MYO10: variants seen among roughly 807,000 people sequenced by gnomAD.
The protein encoded by MYO10 is unconventional myosin-X.
MYO10 carries 133 observed loss-of-function variants against 257.3 expected under a neutral mutation model. The observed-to-expected ratio is 0.52, with a 90% CI of 0.45 to 0.60. MYO10 has a LOEUF of 0.60. Ranked by LOEUF, MYO10 falls within the 20% of genes least tolerant of loss-of-function variation. The pLI, the probability that MYO10 is intolerant of heterozygous loss-of-function variation, is 0.00. For synonymous variants in MYO10, 1,104 were observed against 1,028.6 expected, an observed-to-expected ratio of 1.07 and a Z score of -1.40; for missense variants, 2,399 against 2,635.7, an observed-to-expected ratio of 0.91 and a Z score of 1.97.
At chr5:16,799,693 T>C (rs1172246475) in intron 3 of MYO10, among the ~76,000 whole-genome samples, 1 of 152,076 alleles carries the variant, frequency 6.6e-6, no homozygotes, top group African/African-American at 2.4e-5. Context: ...GGATTTCATA[T>C]ATTTTGGCCA....
intron 18 of MYO10, among the ~76,000 whole-genome samples, chr5:16,757,686 T>C (rs1341226147): frequency 6.6e-6 from 1 of 152,048 alleles, no homozygotes; most frequent in African/African-American, 2.4e-5. Context: ...TTAGACAGAG[T>C]CTAGGTCTTA....
At chr5:16,732,236 G>A (rs1243934826) in intron 19 of MYO10, among the ~76,000 whole-genome samples, 1 of 151,842 alleles carries the variant, frequency 6.6e-6, no homozygotes, top group Non-Finnish European at 1.5e-5. Flanking sequence ...AGGAAGGAGG[G>A]CAGGAGGGAA....
At position 16,663,815 on chromosome 5, in the gene MYO10, A is replaced by ATGTG. The variant is rs1736061075; in HGVS notation, c.*2873_*2876dup. 1 of 145,498 alleles carries ATGTG rather than the reference A, an allele frequency of 6.9e-6. No individual in the cohort carries two copies. The highest frequency in any genetic ancestry group is 7.3e-5 in the Admixed American group (1 of 13,614). 9.0% of individuals were successfully genotyped at this position (145,498 alleles called of 1,614,324 possible). On this transcript the variant is annotated 3_prime_UTR_variant, in exon 41 of 41. Coordinates refer to ENST00000513610, the MANE Select transcript of MYO10 (RefSeq NM_012334.3). ...GAGATGATTTAAAGGGTAAGGAAAGATGTGTGCAGGTTCTATGCAAATATT... is the reference window on the plus strand; with the variant it reads ...GAGATGATTTAAAGGGTAAGGAAAGATGTGTGTGTGCAGGTTCTATGCAAATATT...
intron 2 of MYO10, among the ~76,000 whole-genome samples, chr5:16,818,747 T>C (rs1435679155): frequency 3.3e-5 from 5 of 152,056 alleles, no homozygotes; most frequent in African/African-American, 1.2e-4. Context: ...CTGTCACCTA[T>C]ATATTTCTAA....
intron 1 of MYO10, among the ~76,000 whole-genome samples, chr5:16,920,282 AAAT>A (rs1347176130): frequency 1.3e-5 from 2 of 152,196 alleles, no homozygotes; most frequent in Admixed American, 6.5e-5. Context: ...TCAAAAAAGC[AAAT>A]AAGATAAACA....
chr5:16,755,312 C>T (rs1740496793), intron 18 of MYO10, among the ~76,000 whole-genome samples: 3 of 152,162 alleles, frequency 2.0e-5, no homozygotes, highest in African/African-American at 4.8e-5. Context: ...ACTACAGGCG[C>T]CCGCCACCAT....
chr5:16,737,218 G>C (rs1305034683), intron 19 of MYO10, among the ~76,000 whole-genome samples: 1 of 152,146 alleles, frequency 6.6e-6, no homozygotes, highest in East Asian at 1.9e-4. Context: ...ATTTTGTAGA[G>C]GCAAACTTTG....
intron 21 of MYO10, 61 bp downstream of exon 21, chr5:16,710,847 T>C (rs1579879936): frequency 7.1e-7 from 1 of 1,415,386 alleles, no homozygotes; most frequent in Non-Finnish European, 9.8e-7. Context: ...CTAAACCCTG[T>C]GAGCATCACC....
chr5:16,858,715 T>A (rs914880394), intron 2 of MYO10, among the ~76,000 whole-genome samples: 1 of 152,044 alleles, frequency 6.6e-6, no homozygotes, highest in Non-Finnish European at 1.5e-5. Flanking sequence ...ATCTCAACAC[T>A]CTGGGAGGCC....
intron 19 of MYO10, among the ~76,000 whole-genome samples, chr5:16,739,855 T>C (rs186197186): frequency 1.3e-5 from 2 of 152,344 alleles, no homozygotes; most frequent in Admixed American, 6.5e-5. Flanking sequence ...ATTTCCCTAA[T>C]ATTTTATAAT....
intron 2 of MYO10, among the ~76,000 whole-genome samples, chr5:16,837,999 T>C (rs1210785570): frequency 6.6e-6 from 1 of 152,166 alleles, no homozygotes; most frequent in Non-Finnish European, 1.5e-5. Context: ...TACAAGACAG[T>C]GAACCTAATG....
intron 2 of MYO10, among the ~76,000 whole-genome samples, chr5:16,851,225 C>T (rs183064744): frequency 6.6e-6 from 1 of 152,098 alleles, no homozygotes; most frequent in South Asian, 2.1e-4. Flanking sequence ...CATTATGTTC[C>T]GGAGACTCTG....
Position 16,849,542 on chromosome 5 carries a change from T to A in MYO10, c.120+28067A>T, listed in dbSNP as rs116270658. Among the ~76,000 whole-genome samples the A allele has an allele frequency of 4.7e-3, 716 of 152,342 alleles. 8 individuals carry two copies. The highest frequency in any genetic ancestry group is 0.016 in the African/African-American group (670 of 41,578). On this transcript the variant is annotated intron_variant, in intron 2 of 40. Transcript: ENST00000513610. ...TGTTATTCCACAACATTTTCCCATA[T>A]TATGTTAATATGTTACCAATATATT... is the stretch of plus-strand genomic sequence containing the variant.
intron 1 of MYO10, among the ~76,000 whole-genome samples, chr5:16,879,919 T>C (rs116493460): frequency 0.014 from 2,093 of 152,284 alleles, 42 homozygotes; most frequent in African/African-American, 0.049. Context: ...GGCTCACGCC[T>C]ATAATCCCAG....
chr5:16,909,165 T>G (rs1745590222), intron 1 of MYO10, among the ~76,000 whole-genome samples: 1 of 152,184 alleles, frequency 6.6e-6, no homozygotes, highest in Admixed American at 6.5e-5. Context: ...AGGGCATGTC[T>G]TACATGGTGG....
intron 1 of MYO10, among the ~76,000 whole-genome samples, chr5:16,908,992 G>T (rs1745585743): frequency 6.6e-6 from 1 of 152,206 alleles, no homozygotes; most frequent in Admixed American, 6.5e-5. Context: ...AGTGACTGCT[G>T]AACAGGTGCT....
chr5:16,761,712 G>A (rs146047656), intron 16 of MYO10, among the ~76,000 whole-genome samples, 166 bp from the exon 17 acceptor site: 220 of 152,154 alleles, frequency 1.4e-3, no homozygotes, highest in African/African-American at 5.0e-3. Flanking sequence ...GTGCAGTGAC[G>A]TGATCATAGC....
chr5:16,830,211 G>A (rs1243007062), intron 2 of MYO10, among the ~76,000 whole-genome samples: 1 of 151,912 alleles, frequency 6.6e-6, no homozygotes, highest in East Asian at 1.9e-4. Context: ...ACTCCAGCCT[G>A]GGCGACAGAG....
At chr5:16,888,469 C>T (rs552656635) in intron 1 of MYO10, among the ~76,000 whole-genome samples, 1 of 152,012 alleles carries the variant, frequency 6.6e-6, no homozygotes, top group South Asian at 2.1e-4. Flanking sequence ...GTGGTGCATG[C>T]CTGTAATCCC....
Sources: allele counts gnomAD v4.1 joint callset (sites outside exome capture counted in the v4.1 genomes callset), GRCh38; gene constraint gnomAD v4.1.1; transcripts MANE v1.5; gene names NCBI Gene and HGNC (gene_info 2026-07-23, HGNC 2026-07-21).